The following ZNF831 variants were observed in gnomAD, a reference collection of about 807,000 sequenced individuals.
ZNF831 encodes the protein chromosome 20 open reading frame 174.
Under a neutral mutation model 95.8 loss-of-function variants are expected in ZNF831, and 59 were observed. The ratio of observed to expected loss-of-function variants is 0.62; its 90% CI spans 0.50 to 0.77. The LOEUF (loss-of-function observed/expected upper bound fraction) is 0.77. Among genes scored for constraint, ZNF831 ranks in the 30% least tolerant of loss-of-function variants. The probability of loss-of-function intolerance (pLI) is 0.00; values close to 1 mark genes in which losing one functional copy is unlikely to be tolerated. For synonymous variants in ZNF831, 961 were observed against 925.5 expected, an observed-to-expected ratio of 1.04 and a Z score of -0.70; for missense variants, 2,205 against 2,164.0, an observed-to-expected ratio of 1.02 and a Z score of -0.38.
chr20:59,216,955 AAAAC>A (rs1454350354), intron 4 of ZNF831, among the ~76,000 whole-genome samples: 4 of 152,176 alleles, frequency 2.6e-5, no homozygotes, highest in African/African-American at 9.7e-5. Flanking sequence ...TTAAAAAAAA[AAAAC>A]TTGGCAAAAG....
rs760005581 is a variant in ZNF831, at chr20:59,254,496, A to G, written c.4787A>G (p.Tyr1596Cys). ...ACGTTTTTTCCTTCCAGAGGCCAGTATGGGTGTGGGGAAATGACTGTCCCC... is the reference window on the plus strand; with the variant it reads ...ACGTTTTTTCCTTCCAGAGGCCAGTGTGGGTGTGGGGAAATGACTGTCCCC... ...HKTFFPSRGQYGCGEMTVPCP... is the reference protein window; with the variant it reads ...HKTFFPSRGQCGCGEMTVPCP... Residue 1596 changes from tyrosine to cysteine, a missense_variant, in exon 6 of 6, where the codon TAT (tyrosine) becomes TGT (cysteine). Coordinates refer to ENST00000371030, the MANE Select transcript of ZNF831 (RefSeq NM_178457.3). This position sits in a 1 kb window ranked among gnomAD's most constrained non-coding sequence, Gnocchi z 4.5. The G allele has an allele frequency of 3.1e-6, 5 of 1,614,212 alleles. No homozygotes were observed. The highest frequency in any genetic ancestry group is 4.5e-5 in the East Asian group (2 of 44,870).
rs763107171 is a variant in ZNF831 at position 59,192,975 on chromosome 20, T to C, written c.1956T>C (p.Ser652=). The stretch of plus-strand genomic sequence containing the variant: ...AAGCCAGGGAGGTGGGAATGGGCAG[T>C]GGGGCAGAACTGGGCTTTCCTCTGC... ...GKKAREVGMG[S]GAELGFPLQK... Residue 652 remains serine, a synonymous_variant, in exon 2 of 6, where the codon AGT becomes AGC. Transcript: ENST00000371030. The surrounding 1 kb of genome is among the most constrained non-coding windows in gnomAD (Gnocchi z 5.2). 1.3e-6 allele frequency: 2 copies of C among 1,592,404 alleles called. No homozygotes were observed. The highest frequency in any genetic ancestry group is 2.2e-5 in the East Asian group (1 of 44,844).
chr20:59,170,987 G>A (rs572022449), intron 1 of ZNF831, among the ~76,000 whole-genome samples: 1 of 152,234 alleles, frequency 6.6e-6, no homozygotes, highest in African/African-American at 2.4e-5. Context: ...CAGAAAGACA[G>A]TGTGCCGGCT....
In ZNF831 at chr20:59,254,124, C is replaced by G. The variant is rs1486137119; in HGVS notation, c.4415C>G (p.Pro1472Arg). 1 of 1,614,122 alleles carries G rather than the reference C, an allele frequency of 6.2e-7. No individual in the cohort carries two copies. Among genetic ancestry groups the G allele is most frequent in the Admixed American group, 1.7e-5 (1 of 60,016 alleles). ...KPYIFSDAQR[P>R]SSFGSKGTFP... ...TACATCTTCTCAGATGCTCAAAGGC[C>G]TTCTTCCTTTGGGTCCAAAGGAACT... Residue 1472 changes from proline (P) to arginine (R), a missense_variant, in exon 6 of 6, where the codon CCT becomes CGT. Transcript: ENST00000371030. The surrounding 1 kb of genome is among the most constrained non-coding windows in gnomAD (Gnocchi z 4.5).
Position 59,193,440 on chromosome 20 carries a change from A to G in ZNF831, c.2421A>G (p.Arg807=), listed in dbSNP as rs1237833568. 6.2e-7 allele frequency: 1 copy of G among 1,603,582 alleles called. No individual in the cohort carries two copies. Among genetic ancestry groups the G allele is most frequent in the Non-Finnish European group, 8.5e-7 (1 of 1,175,248 alleles). ...GCCTGTGGGCCCAGACTGTCCTGAG[A>G]TGGCCCAGCAGGGGCTCAGGGGAGG... ...ETCLWAQTVL[R]WPSRGSGEDK... is the part of the protein sequence containing the mutation. The change falls in exon 2 of 6, where the codon AGA becomes AGG. Residue 807 remains arginine, a synonymous_variant. Coordinates refer to ENST00000371030, the MANE Select transcript of ZNF831 (RefSeq NM_178457.3).
chr20:59,240,516 T>C (rs556277095), intron 4 of ZNF831, among the ~76,000 whole-genome samples: 1 of 152,178 alleles, frequency 6.6e-6, no homozygotes, highest in South Asian at 2.1e-4. Flanking sequence ...AAATTATTTC[T>C]AGGGGCCGGG....
At chr20:59,190,131 G>A (rs1392472576) in intron 1 of ZNF831, among the ~76,000 whole-genome samples, 1 of 152,198 alleles carries the variant, frequency 6.6e-6, no homozygotes, top group Non-Finnish European at 1.5e-5. Flanking sequence ...GTCTGGAGGG[G>A]CTTTGGAAGC....
rs1985766867 is a variant in ZNF831 at position 59,217,403 on chromosome 20, T to C, written c.4027+10347T>C. Among the ~76,000 whole-genome samples, 1 of 152,260 alleles carries C rather than the reference T, an allele frequency of 6.6e-6. No homozygotes were observed. Among genetic ancestry groups the C allele is most frequent in the Non-Finnish European group, 1.5e-5 (1 of 68,048 alleles). On this transcript the variant is annotated intron_variant, in intron 4 of 5. Coordinates refer to ENST00000371030, the MANE Select transcript of ZNF831 (RefSeq NM_178457.3). This position sits in a 1 kb window ranked among gnomAD's most constrained non-coding sequence, Gnocchi z 4.4. ...TCATCACCAGTGTTTCACACTTGCA[T>C]CATGCTCCTTGGACACACTGTTTAT...
Position 59,174,007 on chromosome 20 carries a change from C to T in ZNF831, c.-37+9800C>T, listed in dbSNP as rs528118394. Reference sequence around the variant, plus strand: ...AGAGAAGTTGGCTGATTCAGCTAGACTTGAGATTGTGTGGAGTTGCTAGGC... The same window carrying T: ...AGAGAAGTTGGCTGATTCAGCTAGATTTGAGATTGTGTGGAGTTGCTAGGC... On this transcript the variant is annotated intron_variant, in intron 1 of 5. Transcript: ENST00000371030. Among the ~76,000 whole-genome samples, 14 of 152,280 alleles carry T rather than the reference C, an allele frequency of 9.2e-5. No homozygotes were observed. In the South Asian group the frequency reaches 2.9e-3, roughly 32 times the overall value.
chr20:59,213,107 T>G (rs1254477545), intron 4 of ZNF831, among the ~76,000 whole-genome samples: 1 of 152,158 alleles, frequency 6.6e-6, no homozygotes, highest in Non-Finnish European at 1.5e-5. Context: ...AGCTCTATAA[T>G]ATTTTTTTGG....
intron 1 of ZNF831, among the ~76,000 whole-genome samples, chr20:59,140,979 A>C (rs1299389652): frequency 6.6e-6 from 1 of 151,990 alleles, no homozygotes; most frequent in Non-Finnish European, 1.5e-5. Context: ...AGCTCACTGC[A>C]ACCTCTTCCT....
chr20:59,154,457 C>T (rs773468686), intron 2 of ZNF831, among the ~76,000 whole-genome samples: 23 of 152,190 alleles, frequency 1.5e-4, no homozygotes, highest in South Asian at 4.1e-4. Flanking sequence ...CAATCCCCTG[C>T]GATTGGTACC....
rs1568800725 is a variant in ZNF831, at chr20:59,254,134, T to G, written c.4425T>G (p.Phe1475Leu). The G allele has an allele frequency of 1.2e-6, 2 of 1,614,108 alleles. No individual in the cohort carries two copies. Among genetic ancestry groups the G allele is most frequent in the Admixed American group, 3.3e-5 (2 of 60,018 alleles). The part of the protein sequence containing the change: ...IFSDAQRPSS[F>L]GSKGTFPHHD... ...CAGATGCTCAAAGGCCTTCTTCCTT[T>G]GGGTCCAAAGGAACTTTTCCCCACC... The change falls in exon 6 of 6, where the codon TTT becomes TTG. Residue 1475 changes from phenylalanine (F) to leucine (L), a missense_variant. Coordinates refer to ENST00000371030, the MANE Select transcript of ZNF831 (RefSeq NM_178457.3). This position sits in a 1 kb window ranked among gnomAD's most constrained non-coding sequence, Gnocchi z 4.5.
In ZNF831 at chr20:59,191,399, G is replaced by A. The variant is rs772454349; in HGVS notation, c.380G>A (p.Gly127Asp). The A allele has an allele frequency of 1.2e-6, 2 of 1,610,678 alleles. No individual in the cohort carries two copies. Among genetic ancestry groups the A allele is most frequent in the South Asian group, 1.1e-5 (1 of 90,782 alleles). ...GGCACTCTGCCTGTCCTGTCGCCGG[G>A]CCTGGGCCCCACGCTGGGCAGCCCA... ...IVGTLPVLSP[G>D]LGPTLGSPGK... The change falls in exon 2 of 6, where the codon GGC becomes GAC. Residue 127 changes from glycine to aspartate, a missense_variant. Transcript: ENST00000371030.
At chr20:59,234,549 G>A (rs145880698) in intron 4 of ZNF831, among the ~76,000 whole-genome samples, 184 of 152,272 alleles carry the variant, frequency 1.2e-3, no homozygotes, top group Middle Eastern at 3.4e-3. Flanking sequence ...ATACCCTGAC[G>A]GTAACATCCT....
At chr20:59,250,996 C>T (rs1987859711) in intron 4 of ZNF831, among the ~76,000 whole-genome samples, 1 of 152,018 alleles carries the variant, frequency 6.6e-6, no homozygotes, top group African/African-American at 2.4e-5. Context: ...TATTGTACAA[C>T]ATGGTAACTA....
intron 4 of ZNF831, among the ~76,000 whole-genome samples, chr20:59,243,335 T>C (rs1987431537): frequency 6.6e-6 from 1 of 152,250 alleles, no homozygotes; most frequent in Admixed American, 6.5e-5. Flanking sequence ...CAGGTACTTT[T>C]AGAGGTAAAA....
At chr20:59,154,240 T>C (rs537943112) in intron 2 of ZNF831, among the ~76,000 whole-genome samples, 29 of 152,180 alleles carry the variant, frequency 1.9e-4, no homozygotes, top group South Asian at 1.2e-3. Context: ...CCATGTAGGA[T>C]TGGGGAAAGA....
intron 1 of ZNF831, among the ~76,000 whole-genome samples, chr20:59,131,141 C>G (rs907850976): frequency 1.1e-4 from 16 of 152,182 alleles, no homozygotes; most frequent in African/African-American, 3.6e-4. Context: ...TTCCAGCATC[C>G]ATCTTGGGTC....
Sources: gnomAD v4.1 joint callset for allele counts (sites outside exome capture counted in the v4.1 genomes callset) on GRCh38, gnomAD v4.1.1 for gene constraint, Gnocchi (gnomAD v3.1) non-coding constraint, MANE v1.5 for transcripts, NCBI Gene and HGNC (gene_info 2026-07-23, HGNC 2026-07-21) for gene names.